The following PCDHGA6 variants were observed in gnomAD, a reference collection of about 807,000 sequenced individuals.
PCDHGA6 encodes the protein protocadherin gamma-A6.
In PCDHGA6, 41 loss-of-function variants were observed where a neutral mutation model predicts 60.6. The ratio of observed to expected loss-of-function variants is 0.68; its 90% CI spans 0.53 to 0.88. The LOEUF is 0.88. PCDHGA6 is among the 40% of genes least tolerant of loss of function. The probability of loss-of-function intolerance (pLI) is 0.00; values close to 1 mark genes in which losing one functional copy is unlikely to be tolerated. For synonymous variants in PCDHGA6, 594 were observed against 524.4 expected (o/e 1.13, Z -1.81); for missense variants, 1,312 against 1,203.0 (o/e 1.09, Z -1.34).
chr5:141,489,257 T>C lies in PCDHGA6; in HGVS notation c.2425-5550T>C, dbSNP rs2099684606. 5.8e-6 allele frequency: 9 copies of C among 1,550,190 alleles called. No homozygotes were observed. The highest frequency in any genetic ancestry group is 1.4e-5 in the African/African-American group (1 of 73,054). On this transcript the variant is annotated intron_variant, in intron 1 of 3. Transcript: ENST00000517434. This position sits in a 1 kb window ranked among gnomAD's most constrained non-coding sequence, Gnocchi z 4.5. Reference sequence around the variant, plus strand: ...TTCTGGGTCATGGGGCCCAAGACACTCCCACAGCTCGCTGGGAAATGGCAA... The same window carrying C: ...TTCTGGGTCATGGGGCCCAAGACACCCCCACAGCTCGCTGGGAAATGGCAA...
chr5:141,440,572 GT>G (rs1233263525), intron 1 of PCDHGA6: 1 of 152,200 alleles, frequency 6.6e-6, no homozygotes, highest in Non-Finnish European at 1.5e-5. Context: ...GTATCTCTGA[GT>G]TTACCCAGCT....
chr5:141,389,355 G>A, intron 1 of PCDHGA6: 3 of 1,613,950 alleles, frequency 1.9e-6, no homozygotes, highest in Non-Finnish European at 1.7e-6. Flanking sequence ...CTGCATCATG[G>A]CCAGTGACCT....
Position 141,415,348 on chromosome 5 carries a change from A to G in PCDHGA6, c.2424+38841A>G, listed in dbSNP as rs561851810. ...GGCGCACAGGCTGCGGCGCTGGCAC[A>G]AGTCACGCCTGCTGCAGGCTTCAGG... On this transcript the variant is annotated intron_variant, in intron 1 of 3. Transcript: ENST00000517434. The G allele has an allele frequency of 3.1e-6, 5 of 1,614,222 alleles. 1 individual carries two copies. The highest frequency in any genetic ancestry group is 1.6e-4 in the Middle Eastern group (1 of 6,062).
rs757691247 is a variant in PCDHGA6 at position 141,399,920 on chromosome 5, C to T, written c.2424+23413C>T. On this transcript the variant is annotated intron_variant, in intron 1 of 3. Coordinates refer to ENST00000517434, the MANE Select transcript of PCDHGA6 (RefSeq NM_018919.3). ...GTGGACGCAGACTCAGGACACAACG[C>T]CTGGCTGTCCTACCACGTGCTGCAG... is the stretch of plus-strand genomic sequence containing the variant. 1.2e-5 allele frequency: 20 copies of T among 1,612,216 alleles called. No homozygotes were observed. The South Asian group carries it at 2.1e-4, about 17-fold the overall frequency.
chr5:141,422,919 G>C (rs1445179310), intron 1 of PCDHGA6: 9 of 1,614,120 alleles, frequency 5.6e-6, no homozygotes, highest in Non-Finnish European at 6.8e-6. Context: ...CCGAGATCCT[G>C]TACCCTGCCC....
chr5:141,467,736 G>A (rs1435480730), intron 1 of PCDHGA6, among the ~76,000 whole-genome samples: 1 of 151,902 alleles, frequency 6.6e-6, no homozygotes, highest in Non-Finnish European at 1.5e-5. Flanking sequence ...ATCCCAGCTC[G>A]CTGCAACCTC....
At chr5:141,461,974 C>T (rs2099027742) in intron 1 of PCDHGA6, among the ~76,000 whole-genome samples, 1 of 152,202 alleles carries the variant, frequency 6.6e-6, no homozygotes, top group Non-Finnish European at 1.5e-5. Context: ...CAGGCATATG[C>T]CACCACGCCA....
At chr5:141,508,242 GC>G (rs1344624071) in intron 3 of PCDHGA6, 1 of 152,310 alleles carries the variant, frequency 6.6e-6, no homozygotes, top group African/African-American at 2.4e-5. Context: ...TCCTAAGTCT[GC>G]CTCTCCTGGG....
Position 141,494,920 on chromosome 5 carries a change from G to A in PCDHGA6, c.2483+55G>A, listed in dbSNP as rs1329724849. The A allele has an allele frequency of 1.8e-5, 29 of 1,613,680 alleles. No individual in the cohort carries two copies. The East Asian group carries it at 6.5e-4, about 36-fold the overall frequency. On this transcript the variant is annotated intron_variant, in intron 2 of 3. Coordinates refer to ENST00000517434, the MANE Select transcript of PCDHGA6 (RefSeq NM_018919.3). ...TTCTCTGCGGCATTTTCTCAGGGAT[G>A]ACGTGGGAGGAGATGGGGGAGGGCC...
intron 1 of PCDHGA6, chr5:141,388,423 TGATA>T: frequency 2.5e-6 from 4 of 1,613,948 alleles, no homozygotes; most frequent in Non-Finnish European, 3.4e-6. Flanking sequence ...CATTTCTCAC[TGATA>T]AATAAAGAGA....
intron 1 of PCDHGA6, chr5:141,424,098 C>T: frequency 8.3e-6 from 7 of 846,340 alleles, no homozygotes; most frequent in Non-Finnish European, 1.0e-5. Flanking sequence ...TTTGCTATTA[C>T]TGCTAATGTT....
chr5:141,384,609 T>C (rs967686346), intron 1 of PCDHGA6: 1 of 1,614,148 alleles, frequency 6.2e-7, no homozygotes, highest in South Asian at 1.1e-5. Context: ...TCCCCACAGA[T>C]GGTTCTACTG....
chr5:141,419,604 C>T (rs1279434352), intron 1 of PCDHGA6: 1 of 1,611,850 alleles, frequency 6.2e-7, no homozygotes, highest in East Asian at 2.2e-5. Flanking sequence ...CCGCGGGCCG[C>T]GCAGCCAGGC....
chr5:141,431,502 G>A lies in PCDHGA6; in HGVS notation c.2424+54995G>A, dbSNP rs749812839. ...CCAGCGTTTGCTCAGCCCGAGTACC[G>A]CGCGAGCGTTCCGGAGAATCTGGCC... On this transcript the variant is annotated intron_variant, in intron 1 of 3. Coordinates refer to ENST00000517434, the MANE Select transcript of PCDHGA6 (RefSeq NM_018919.3). This position sits in a 1 kb window ranked among gnomAD's most constrained non-coding sequence, Gnocchi z 4.8. 6 of 1,614,008 alleles carry A rather than the reference G, an allele frequency of 3.7e-6. No homozygotes were observed. In the East Asian group the frequency reaches 6.7e-5, roughly 18 times the overall value.
rs1363449 is a variant in PCDHGA6, at chr5:141,413,826, C to T, written c.2424+37319C>T. On this transcript the variant is annotated intron_variant, in intron 1 of 3. Coordinates refer to ENST00000517434, the MANE Select transcript of PCDHGA6 (RefSeq NM_018919.3). ...AGGCCATTCACCACCTGGTCCTCAC[C>T]GCCTCCGACGGGGGTGACCCTCTCC... 4,050 of 1,613,180 alleles carry T rather than the reference C, an allele frequency of 2.5e-3. 115 individuals are homozygous for T. In the African/African-American group the frequency reaches 0.047, roughly 19 times the overall value.
At position 141,394,887 on chromosome 5, in the gene PCDHGA6, T is replaced by C. The variant is rs781200096; in HGVS notation, c.2424+18380T>C. 63 of 1,613,752 alleles carry C rather than the reference T, an allele frequency of 3.9e-5. 1 individual carries two copies. In the Admixed American group the frequency reaches 1.0e-3, roughly 26 times the overall value. ...CCCGAACGATTCGAGCCTTACACTC[T>C]ATCTCGTGGTGGCAGTGGCTGCCAT... is the stretch of plus-strand genomic sequence containing the variant. On this transcript the variant is annotated intron_variant, in intron 1 of 3. Coordinates refer to ENST00000517434, the MANE Select transcript of PCDHGA6 (RefSeq NM_018919.3).
At chr5:141,488,217 A>G (rs537136341) in intron 1 of PCDHGA6, among the ~76,000 whole-genome samples, 2 of 152,274 alleles carry the variant, frequency 1.3e-5, no homozygotes, top group East Asian at 1.9e-4. Flanking sequence ...TCAAGTCCCT[A>G]CTGGGGATTT....
At position 141,384,205 on chromosome 5, in the gene PCDHGA6, A is replaced by G. The variant is rs537255250; in HGVS notation, c.2424+7698A>G. 3.1e-6 allele frequency: 5 copies of G among 1,613,874 alleles called. No homozygotes were observed. In the African/African-American group the frequency reaches 4.0e-5, roughly 13 times the overall value. On this transcript the variant is annotated intron_variant, in intron 1 of 3. Transcript: ENST00000517434. ...TGGAACTCCTCCCTTGTCCAGGGAAACTCACATATTCATGCAGGTGGCAGA... is the reference window on the plus strand; with the variant it reads ...TGGAACTCCTCCCTTGTCCAGGGAAGCTCACATATTCATGCAGGTGGCAGA...
At chr5:141,461,011 A>G (rs971172615) in intron 1 of PCDHGA6, among the ~76,000 whole-genome samples, 2 of 151,288 alleles carry the variant, frequency 1.3e-5, no homozygotes, top group Non-Finnish European at 2.9e-5. Context: ...ATATATATAT[A>G]CCACATTTTC....
Sources: gnomAD v4.1 joint callset for allele counts (sites outside exome capture counted in the v4.1 genomes callset) on GRCh38, gnomAD v4.1.1 for gene constraint, Gnocchi (gnomAD v3.1) non-coding constraint, MANE v1.5 for transcripts, NCBI Gene and HGNC (gene_info 2026-07-23, HGNC 2026-07-21) for gene names.